Variants in CTNNA3 observed in about 807,000 individuals in gnomAD.
The protein encoded by CTNNA3 is catenin alpha-3.
CTNNA3 carries 76 observed loss-of-function variants against 95.7 expected under a neutral mutation model. The observed-to-expected ratio is 0.79, with a 90% confidence interval of 0.66 to 0.96. The LOEUF is 0.96. CTNNA3 is among the 40% of genes least tolerant of loss of function. The pLI is 0.00. For missense variants in CTNNA3, 1,191 were observed against 1,089.8 expected (o/e 1.09, Z -1.31); for synonymous variants, 431 against 374.4 (o/e 1.15, Z -1.74).
chr10:67,707,004 TA>T (rs1841082410), intron 1 of CTNNA3, among the ~76,000 whole-genome samples: 1 of 152,188 alleles, frequency 6.6e-6, no homozygotes, highest in Admixed American at 6.5e-5. Flanking sequence ...AATTACTGCA[TA>T]AGCCAAAGCC....
At chr10:67,561,671 A>G (rs1406330930) in intron 3 of CTNNA3, among the ~76,000 whole-genome samples, 2 of 151,498 alleles carry the variant, frequency 1.3e-5, no homozygotes, top group East Asian at 1.9e-4. Flanking sequence ...GACACAAAAA[A>G]CCCTGCAAAA....
intron 7 of CTNNA3, among the ~76,000 whole-genome samples, chr10:66,922,565 A>G (rs1311801918): frequency 6.6e-6 from 1 of 152,162 alleles, no homozygotes; most frequent in Non-Finnish European, 1.5e-5. Context: ...CCTGAACCAG[A>G]TCAGACCTGG....
At chr10:66,006,440 C>T (rs967804746) in intron 15 of CTNNA3, among the ~76,000 whole-genome samples, 1 of 152,138 alleles carries the variant, frequency 6.6e-6, no homozygotes, top group Non-Finnish European at 1.5e-5. Context: ...CCTCTCTGGA[C>T]ACAATGGGAA....
At chr10:67,692,850 T>C (rs1161246269) in intron 1 of CTNNA3, among the ~76,000 whole-genome samples, 1 of 152,072 alleles carries the variant, frequency 6.6e-6, no homozygotes, top group East Asian at 1.9e-4. Context: ...ATTGGGAACT[T>C]CTAATTACAT....
chr10:66,664,728 A>G (rs1365016833), intron 9 of CTNNA3, among the ~76,000 whole-genome samples: 1 of 151,872 alleles, frequency 6.6e-6, no homozygotes, highest in Admixed American at 6.6e-5. Flanking sequence ...GAAAAATCCC[A>G]TGGGAAAAAA....
intron 7 of CTNNA3, among the ~76,000 whole-genome samples, chr10:66,986,503 C>G (rs193276406): frequency 0.022 from 3,416 of 151,992 alleles, 61 homozygotes; most frequent in Non-Finnish European, 0.034. Context: ...TCTTGCTAAA[C>G]TAAACTAAAA....
chr10:67,252,320 G>A (rs1866144971), intron 5 of CTNNA3, among the ~76,000 whole-genome samples: 1 of 151,694 alleles, frequency 6.6e-6, no homozygotes, highest in Admixed American at 6.6e-5. Context: ...AGGCAGTACA[G>A]TCATCCCCCT....
chr10:66,608,765 T>G (rs1589489659), intron 10 of CTNNA3, among the ~76,000 whole-genome samples: 1 of 152,232 alleles, frequency 6.6e-6, no homozygotes, highest in East Asian at 1.9e-4. Context: ...GACCCCTTCC[T>G]TACACCATAC....
At position 67,636,902 on chromosome 10, in the gene CTNNA3, C is replaced by T. The variant is rs185010015; in HGVS notation, c.99+10513G>A. 3.4e-4 allele frequency among the ~76,000 whole-genome samples: 52 copies of T among 152,220 alleles called. No homozygotes were observed. The East Asian group carries it at 9.6e-3, about 28-fold the overall frequency. On this transcript the variant is annotated intron_variant, in intron 2 of 17. Coordinates refer to ENST00000433211, the MANE Select transcript of CTNNA3 (RefSeq NM_013266.4). ...CAAAGACCAAAGGTAGATAAAACCA[C>T]AAAGATGGGGAAAAAACAGAGCAGA... is the stretch of plus-strand genomic sequence containing the variant.
At chr10:67,722,498 A>G (rs139768440) in intron 1 of CTNNA3, among the ~76,000 whole-genome samples, 380 of 152,334 alleles carry the variant, frequency 2.5e-3, no homozygotes, top group Middle Eastern at 0.01. Flanking sequence ...GAGAGAAAAC[A>G]ATATAAAGAT....
At chr10:67,421,599 A>G (rs956549981) in intron 5 of CTNNA3, among the ~76,000 whole-genome samples, 1 of 152,166 alleles carries the variant, frequency 6.6e-6, no homozygotes, top group East Asian at 1.9e-4. Context: ...TAAGCACTCA[A>G]TTTACACAAC....
At chr10:66,154,147 G>A (rs771079359) in intron 13 of CTNNA3, among the ~76,000 whole-genome samples, 3 of 151,646 alleles carry the variant, frequency 2.0e-5, no homozygotes, top group African/African-American at 4.8e-5. Context: ...GTATTTTTTG[G>A]AGATATTTCT....
chr10:67,714,474 T>C (rs551820641), intron 1 of CTNNA3, among the ~76,000 whole-genome samples: 1 of 152,352 alleles, frequency 6.6e-6, no homozygotes, highest in East Asian at 1.9e-4. Context: ...CCATTTGGAA[T>C]GGCTATATTT....
intron 5 of CTNNA3, among the ~76,000 whole-genome samples, chr10:67,300,029 G>C (rs1323216458): frequency 6.6e-6 from 1 of 152,138 alleles, no homozygotes. Context: ...AGCAGCATCA[G>C]CATTACCTAG....
intron 3 of CTNNA3, among the ~76,000 whole-genome samples, chr10:67,605,685 T>A (rs192292376): frequency 6.0e-4 from 83 of 138,898 alleles, no homozygotes; most frequent in African/African-American, 1.9e-3. Flanking sequence ...AATACAAAAA[T>A]TTTTTTTTTT....
At chr10:67,756,595 C>T (rs1310684724) in intron 1 of CTNNA3, among the ~76,000 whole-genome samples, 3 of 152,094 alleles carry the variant, frequency 2.0e-5, no homozygotes, top group Admixed American at 6.6e-5. Flanking sequence ...CAAAAAGCCA[C>T]ATATTATATA....
rs550893967 is a variant in CTNNA3, at chr10:67,524,874, G to C, written c.460-2913C>G. On this transcript the variant is annotated intron_variant, in intron 4 of 17. Transcript: ENST00000433211. ...GTTAGGTTGAGGCCTAGGTTTTAAA[G>C]AGTATTCACTTGGCTTGAAGATTTT... Among the ~76,000 whole-genome samples the C allele has an allele frequency of 1.4e-4, 22 of 152,300 alleles. 1 individual carries two copies. In the South Asian group the frequency reaches 4.6e-3, roughly 32 times the overall value.
At chr10:66,867,793 G>A (rs11818138) in intron 7 of CTNNA3, among the ~76,000 whole-genome samples, 21,418 of 150,348 alleles carry the variant, frequency 0.14, 1,907 homozygotes, top group African/African-American at 0.25. Flanking sequence ...TCAATGTACA[G>A]ATACACATTT....
intron 5 of CTNNA3, among the ~76,000 whole-genome samples, chr10:67,426,893 T>G (rs952021499): frequency 7.9e-5 from 12 of 152,154 alleles, no homozygotes; most frequent in African/African-American, 2.9e-4. Flanking sequence ...AACTACTTAG[T>G]GCATTTATGA....
Sources: gnomAD v4.1 joint callset for allele counts (sites outside exome capture counted in the v4.1 genomes callset) on GRCh38, gnomAD v4.1.1 for gene constraint, MANE v1.5 for transcripts, NCBI Gene and HGNC (gene_info 2026-07-23, HGNC 2026-07-21) for gene names.